Variants in RFX3 observed in about 807,000 individuals in gnomAD.
RFX3 encodes transcription factor RFX3.
A neutral mutation model predicts 98.6 loss-of-function variants in RFX3; 14 were observed. That is an observed-to-expected ratio of 0.14 (90% CI 0.09 to 0.22). RFX3 has a LOEUF of 0.22. RFX3 is among the 10% of genes least tolerant of loss of function. The pLI, the probability that RFX3 is intolerant of heterozygous loss-of-function variation, is 1.00. For synonymous variants in RFX3, 383 were observed against 328.4 expected (o/e 1.17, Z -1.80); for missense variants, 639 against 926.9 (o/e 0.69, Z 4.03).
chr9:3,461,171 T>C (rs1314581162), intron 1 of RFX3, among the ~76,000 whole-genome samples: 4 of 151,616 alleles, frequency 2.6e-5, no homozygotes, highest in Non-Finnish European at 1.5e-5. Context: ...CTTCACAAGG[T>C]TAAAATTCTA....
intron 1 of RFX3, among the ~76,000 whole-genome samples, chr9:3,482,573 G>A (rs1033592580): frequency 6.6e-6 from 1 of 152,170 alleles, no homozygotes; most frequent in African/African-American, 2.4e-5. Flanking sequence ...AACTTTGAAT[G>A]TTAATTACGT....
chr9:3,444,927 G>GTA (rs1845907035), intron 1 of RFX3, among the ~76,000 whole-genome samples: 1 of 152,136 alleles, frequency 6.6e-6, no homozygotes, highest in Non-Finnish European at 1.5e-5. Flanking sequence ...GTTAGGTGAG[G>GTA]GTCTAGGAGA....
At chr9:3,519,934 C>CAA (rs554350157) in intron 1 of RFX3, among the ~76,000 whole-genome samples, 4 of 116,116 alleles carry the variant, frequency 3.4e-5, no homozygotes, top group Admixed American at 9.0e-5. Context: ...CCTGTCTCTA[C>CAA]AAAAAAAAAA....
At chr9:3,443,481 T>C (rs1845776051) in intron 1 of RFX3, among the ~76,000 whole-genome samples, 1 of 152,146 alleles carries the variant, frequency 6.6e-6, no homozygotes, top group South Asian at 2.1e-4. Flanking sequence ...CTGTGTTAGT[T>C]TGCTGAGGAT....
At chr9:3,257,490 A>G (rs1822291283) in intron 13 of RFX3, among the ~76,000 whole-genome samples, 1 of 152,216 alleles carries the variant, frequency 6.6e-6, no homozygotes, top group Non-Finnish European at 1.5e-5. Flanking sequence ...ACTAAAATAC[A>G]TGATGACTTC....
chr9:3,346,952 T>C (rs984039798), intron 2 of RFX3, among the ~76,000 whole-genome samples, 188 bp from the exon 3 acceptor site: 1 of 152,214 alleles, frequency 6.6e-6, no homozygotes. Flanking sequence ...CTGCAACATT[T>C]ATGCTGAATA....
chr9:3,337,213 T>C (rs1833292809), intron 3 of RFX3, among the ~76,000 whole-genome samples: 1 of 152,142 alleles, frequency 6.6e-6, no homozygotes, highest in South Asian at 2.1e-4. Flanking sequence ...CCATGTAAGA[T>C]GATTCTGGAA....
chr9:3,510,328 C>A (rs933126229), intron 1 of RFX3, among the ~76,000 whole-genome samples: 2 of 151,644 alleles, frequency 1.3e-5, no homozygotes, highest in Non-Finnish European at 2.9e-5. Flanking sequence ...TCTTGCCCCC[C>A]CCAAAAAAAG....
chr9:3,337,772 A>T (rs1167477925), intron 3 of RFX3, among the ~76,000 whole-genome samples: 1 of 152,196 alleles, frequency 6.6e-6, no homozygotes, highest in African/African-American at 2.4e-5. Context: ...TGTGAGTCAC[A>T]AACATCTTTC....
intron 1 of RFX3, among the ~76,000 whole-genome samples, chr9:3,502,709 T>C (rs370078860): frequency 1.3e-5 from 2 of 152,190 alleles, no homozygotes; most frequent in African/African-American, 2.4e-5. Flanking sequence ...GATTTTTTTT[T>C]CCTCACCCTT....
At chr9:3,439,296 T>C (rs1845428798) in intron 1 of RFX3, among the ~76,000 whole-genome samples, 1 of 151,648 alleles carries the variant, frequency 6.6e-6, no homozygotes, top group Admixed American at 6.6e-5. Context: ...CCTCAAGTAA[T>C]GAGAAGAGAG....
intron 5 of RFX3, among the ~76,000 whole-genome samples, chr9:3,299,903 A>G (rs563966024): frequency 5.1e-4 from 77 of 151,876 alleles, no homozygotes; most frequent in South Asian, 1.4e-3. Context: ...AACATATAAC[A>G]TATTTTACTA....
chr9:3,322,605 T>C (rs559276588), intron 4 of RFX3, among the ~76,000 whole-genome samples: 1 of 151,990 alleles, frequency 6.6e-6, no homozygotes, highest in Non-Finnish European at 1.5e-5. Flanking sequence ...TGGTGGCAGG[T>C]ACCTGTAATC....
intron 5 of RFX3, among the ~76,000 whole-genome samples, chr9:3,298,282 T>C (rs1057198938): frequency 1.3e-5 from 2 of 151,850 alleles, no homozygotes; most frequent in Non-Finnish European, 2.9e-5. Context: ...AATAATTGAG[T>C]GACCATACAT....
chr9:3,341,939 G>C (rs1474663529), intron 3 of RFX3, among the ~76,000 whole-genome samples: 6 of 152,086 alleles, frequency 3.9e-5, no homozygotes, highest in Non-Finnish European at 2.9e-5. Context: ...TAAGAAGAAA[G>C]CATAATTTCA....
intron 1 of RFX3, among the ~76,000 whole-genome samples, chr9:3,492,375 A>G (rs1173543607): frequency 6.6e-6 from 1 of 152,212 alleles, no homozygotes; most frequent in Non-Finnish European, 1.5e-5. Context: ...GAGAGGGCCC[A>G]TTGCCCTTGG....
chr9:3,463,612 C>G (rs1351111031), intron 1 of RFX3, among the ~76,000 whole-genome samples: 2 of 151,996 alleles, frequency 1.3e-5, no homozygotes, highest in East Asian at 3.9e-4. Context: ...TGATAAAGGA[C>G]TTCTATCCAG....
chr9:3,266,897 T>TAAA (rs1823715806), intron 11 of RFX3, among the ~76,000 whole-genome samples: 1 of 151,996 alleles, frequency 6.6e-6, no homozygotes, highest in African/African-American at 2.4e-5. Flanking sequence ...CAGGTAGAGG[T>TAAA]AAACGATCAG....
intron 1 of RFX3, among the ~76,000 whole-genome samples, chr9:3,444,309 CAGAA>C (rs1364696844): frequency 6.6e-6 from 1 of 152,022 alleles, no homozygotes; most frequent in African/African-American, 2.4e-5. Flanking sequence ...AGAAGCCACA[CAGAA>C]AGAATGCACA....
Sources: gnomAD v4.1 joint callset for allele counts (sites outside exome capture counted in the v4.1 genomes callset) on GRCh38, gnomAD v4.1.1 for gene constraint, MANE v1.5 for transcripts, NCBI Gene and HGNC (gene_info 2026-07-23, HGNC 2026-07-21) for gene names.